The following FOXJ3 variants were observed in gnomAD, a reference collection of about 807,000 sequenced individuals.
FOXJ3 encodes the protein forkhead box protein J3.
Under a neutral mutation model 76.1 loss-of-function variants are expected in FOXJ3, and 22 were observed. The observed-to-expected ratio is 0.29, with a 90% CI of 0.21 to 0.41. The LOEUF (loss-of-function observed/expected upper bound fraction) is 0.41, where lower values mean the gene tolerates loss of function less well. Among genes scored for constraint, FOXJ3 ranks in the 10% least tolerant of loss-of-function variants. The pLI is 1.00. For synonymous variants in FOXJ3, 269 were observed against 261.2 expected (o/e 1.03, Z -0.29); for missense variants, 613 against 762.1 (o/e 0.80, Z 2.30).
At chr1:42,217,782 T>C (rs1361506832) in intron 5 of FOXJ3, among the ~76,000 whole-genome samples, 3 of 152,200 alleles carry the variant, frequency 2.0e-5, no homozygotes, top group Non-Finnish European at 4.4e-5. Context: ...AAAATGTTAA[T>C]GTGCCACTGT....
intron 2 of FOXJ3, among the ~76,000 whole-genome samples, chr1:42,291,099 C>CAGACAGACAGACAGAT (rs67792405): frequency 9.4e-5 from 14 of 149,068 alleles, no homozygotes; most frequent in African/African-American, 3.3e-4. Context: ...GACAGACAGA[C>CAGACAGACAGACAGAT]AGATAGATCC....
intron 4 of FOXJ3, among the ~76,000 whole-genome samples, chr1:42,252,068 T>C (rs1650133005): frequency 6.6e-6 from 1 of 152,188 alleles, no homozygotes; most frequent in South Asian, 2.1e-4. Context: ...ATCAAGGATA[T>C]TGGTCTAAAA....
intron 4 of FOXJ3, among the ~76,000 whole-genome samples, chr1:42,243,944 T>A (rs1046665219): frequency 1.3e-5 from 2 of 152,088 alleles, no homozygotes; most frequent in East Asian, 1.9e-4. Flanking sequence ...CTCAAAAAAA[T>A]TTTAAAATCA....
chr1:42,276,094 A>G (rs1381897902), intron 3 of FOXJ3, among the ~76,000 whole-genome samples: 2 of 152,098 alleles, frequency 1.3e-5, no homozygotes, highest in African/African-American at 4.8e-5. Context: ...AGTGGCTCAC[A>G]CCTGTAATCC....
At chr1:42,195,103 AC>A in intron 7 of FOXJ3, 39 bp from the exon 8 acceptor site, 1 of 1,465,048 alleles carries the variant, frequency 6.8e-7, no homozygotes, top group Non-Finnish European at 9.3e-7. Flanking sequence ...CAGCCTCTCT[AC>A]TAATTACAAT....
chr1:42,245,237 T>C (rs1649460375), intron 4 of FOXJ3, among the ~76,000 whole-genome samples: 1 of 151,064 alleles, frequency 6.6e-6, no homozygotes, highest in African/African-American at 2.4e-5. Flanking sequence ...CACTGCCGAA[T>C]TCTGCCAAAC....
At chr1:42,230,097 T>C (rs772880182) in intron 4 of FOXJ3, among the ~76,000 whole-genome samples, 14 of 152,198 alleles carry the variant, frequency 9.2e-5, no homozygotes, top group Non-Finnish European at 1.6e-4. Context: ...AATTTGCCCA[T>C]AGCCTACCTA....
Position 42,177,628 on chromosome 1 carries a change from GC to G in FOXJ3, c.*2081del, listed in dbSNP as rs1405756671. 2 of 152,606 alleles carry G rather than the reference GC, an allele frequency of 1.3e-5. No individual in the cohort carries two copies. Among genetic ancestry groups the G allele is most frequent in the African/African-American group, 4.8e-5 (2 of 41,510 alleles). 9.5% of individuals were successfully genotyped at this position (152,606 alleles called of 1,614,324 possible). On this transcript the variant is annotated 3_prime_UTR_variant, in exon 13 of 13. Coordinates refer to ENST00000361346, the MANE Select transcript of FOXJ3 (RefSeq NM_014947.5). ...CGTTGATCCAAGGGGCTGGAACTGA[GC>G]TTCCTTTTTCATGCCAAGTAGGGTC...
At chr1:42,191,783 A>AAAT in intron 8 of FOXJ3, 64 bp from the exon 9 acceptor site, 1 of 1,546,564 alleles carries the variant, frequency 6.5e-7, no homozygotes, top group Non-Finnish European at 8.8e-7. Flanking sequence ...AACATTTGTA[A>AAAT]AATTATTAAC....
chr1:42,326,671 T>C (rs1655847508), intron 1 of FOXJ3, among the ~76,000 whole-genome samples: 1 of 152,232 alleles, frequency 6.6e-6, no homozygotes, highest in African/African-American at 2.4e-5. Context: ...AGACAAAGAA[T>C]GCAGATTCAA....
chr1:42,334,884 C>G (rs886140146), intron 1 of FOXJ3, 175 bp downstream of exon 1: 1 of 152,214 alleles, frequency 6.6e-6, no homozygotes, highest in Non-Finnish European at 1.5e-5. Context: ...TCCGCCAGGC[C>G]CCAGCCGGGG....
At chr1:42,181,298 G>T (rs992898393) in intron 12 of FOXJ3, among the ~76,000 whole-genome samples, 1 of 152,152 alleles carries the variant, frequency 6.6e-6, no homozygotes, top group Non-Finnish European at 1.5e-5. Context: ...ACAATGTGCC[G>T]TATTCCGCTG....
Position 42,177,806 on chromosome 1 carries a change from A to C in FOXJ3, c.*1904T>G, listed in dbSNP as rs886541408. On this transcript the variant is annotated 3_prime_UTR_variant, in exon 13 of 13. Coordinates refer to ENST00000361346, the MANE Select transcript of FOXJ3 (RefSeq NM_014947.5). Reference sequence around the variant, plus strand: ...ACACTCTCACACACAGCACACACACACAGAAACAAAAGATGTTTGTTTAGT... The same window carrying C: ...ACACTCTCACACACAGCACACACACCCAGAAACAAAAGATGTTTGTTTAGT... The C allele has an allele frequency of 2.0e-5, 3 of 152,446 alleles. No homozygotes were observed. The highest frequency in any genetic ancestry group is 4.8e-5 in the African/African-American group (2 of 41,380). 9.4% of individuals were successfully genotyped at this position (152,446 alleles called of 1,614,324 possible). A position where few individuals can be genotyped will look rare whatever the true frequency, so the allele number is the denominator to read the frequency against.
chr1:42,245,752 G>T (rs772434773), intron 4 of FOXJ3, among the ~76,000 whole-genome samples: 1 of 152,078 alleles, frequency 6.6e-6, no homozygotes, highest in East Asian at 1.9e-4. Flanking sequence ...CTAAAAGCTG[G>T]TCAAGACAAG....
intron 6 of FOXJ3, among the ~76,000 whole-genome samples, chr1:42,203,766 C>T (rs144043311): frequency 0.023 from 3,566 of 152,060 alleles, 144 homozygotes; most frequent in African/African-American, 0.082. Context: ...GAGGCCAAGG[C>T]GGACAGATCA....
chr1:42,272,839 T>C (rs916315608), intron 3 of FOXJ3, among the ~76,000 whole-genome samples: 4 of 152,242 alleles, frequency 2.6e-5, no homozygotes, highest in Admixed American at 6.5e-5. Flanking sequence ...TTGGCATTCA[T>C]ATATTCATAG....
At chr1:42,279,357 T>G (rs773156447) in intron 2 of FOXJ3, among the ~76,000 whole-genome samples, 2 of 152,198 alleles carry the variant, frequency 1.3e-5, no homozygotes, top group African/African-American at 2.4e-5. Flanking sequence ...GGAGTTACTT[T>G]TTTTAAAAAA....
chr1:42,314,664 G>C (rs1655005478), intron 1 of FOXJ3, among the ~76,000 whole-genome samples: 1 of 152,168 alleles, frequency 6.6e-6, no homozygotes. Context: ...CTGACAGATG[G>C]GCATGAGGGG....
Position 42,188,675 on chromosome 1 carries a change from A to C in FOXJ3, c.1645+62T>G, listed in dbSNP as rs1199775916. ...AGCAGCAAACCAAGTTGGTTAAGAC[A>C]GTTACTAAATTTCGTACGAATGAGA... On this transcript the variant is annotated intron_variant, in intron 11 of 12. Coordinates refer to ENST00000361346, the MANE Select transcript of FOXJ3 (RefSeq NM_014947.5). 4.3e-6 allele frequency: 5 copies of C among 1,153,580 alleles called. No homozygotes were observed. In the Admixed American group the frequency reaches 1.3e-4, roughly 29 times the overall value. 71.5% of individuals were successfully genotyped at this position (1,153,580 alleles called of 1,614,324 possible). A position where few individuals can be genotyped will look rare whatever the true frequency, so the allele number is the denominator to read the frequency against.
Sources: gnomAD v4.1 joint callset for allele counts (sites outside exome capture counted in the v4.1 genomes callset) on GRCh38, gnomAD v4.1.1 for gene constraint, MANE v1.5 for transcripts, NCBI Gene and HGNC (gene_info 2026-07-23, HGNC 2026-07-21) for gene names.